The following CLIP1 variants were observed in gnomAD, a reference collection of about 807,000 sequenced individuals.
The protein encoded by CLIP1 is CAP-Gly domain containing linker protein 1, also known as CAP-Gly domain-containing linker protein 1.
A neutral mutation model predicts 161.6 loss-of-function variants in CLIP1; 66 were observed. The ratio of observed to expected loss-of-function variants is 0.41; its 90% CI spans 0.33 to 0.50. CLIP1 has a LOEUF of 0.50. Among genes scored for constraint, CLIP1 ranks in the 20% least tolerant of loss-of-function variants. The pLI is 0.27. For missense variants in CLIP1, 1,376 were observed against 1,702.0 expected (o/e 0.81, Z 3.37); for synonymous variants, 598 against 626.2 (o/e 0.96, Z 0.67).
At chr12:122,275,644 G>GCACACACACACACACACACACACA (rs71082958) in intron 24 of CLIP1, 1 of 147,538 alleles carries the variant, frequency 6.8e-6, no homozygotes, top group African/African-American at 2.5e-5. Context: ...ACACACACGC[G>GCACACACACACACACACACACACA]CACACACACA....
At chr12:122,388,783 C>T (rs1208351856) in intron 1 of CLIP1, among the ~76,000 whole-genome samples, 1 of 151,902 alleles carries the variant, frequency 6.6e-6, no homozygotes, top group African/African-American at 2.4e-5. Flanking sequence ...CTGTGCTGCC[C>T]AGGCTGGTTT....
At chr12:122,293,098 T>C (rs1182873501) in intron 20 of CLIP1, among the ~76,000 whole-genome samples, 1 of 151,026 alleles carries the variant, frequency 6.6e-6, no homozygotes, top group African/African-American at 2.5e-5. Flanking sequence ...AGAACTTGTA[T>C]CTAGAATATA....
Position 122,347,484 on chromosome 12 carries a change from T to C in CLIP1, c.1402-5A>G, listed in dbSNP as rs1266988156. 1.9e-6 allele frequency: 3 copies of C among 1,608,820 alleles called. No homozygotes were observed. The highest frequency in any genetic ancestry group is 2.6e-6 in the Non-Finnish European group (3 of 1,175,738). ...ATGCTCCAGTTTGGTCTGCGTCTGT[T>C]AGTAAAAAGGAAGAGGAAGAGAACA... On this transcript the variant is annotated splice_region_variant and splice_polypyrimidine_tract_variant and intron_variant, in intron 9 of 25. Transcript: ENST00000620786.
chr12:122,418,539 G>A (rs1438640906), intron 1 of CLIP1, among the ~76,000 whole-genome samples: 3 of 152,082 alleles, frequency 2.0e-5, no homozygotes, highest in South Asian at 2.1e-4. Context: ...GATTGTTTGA[G>A]CCTAGGAGTT....
intron 20 of CLIP1, among the ~76,000 whole-genome samples, chr12:122,301,872 A>C (rs1391154007): frequency 6.6e-6 from 1 of 152,210 alleles, no homozygotes; most frequent in East Asian, 1.9e-4. Flanking sequence ...GGACTCACAA[A>C]CACCACAGCT....
rs1041935795 is a variant in CLIP1 at position 122,384,776 on chromosome 12, A to T, written c.-106-4218T>A. On this transcript the variant is annotated intron_variant, in intron 1 of 25. Coordinates refer to ENST00000620786, the MANE Select transcript of CLIP1 (RefSeq NM_001247997.2). ...ACTCCATCTCAAAAAATAAAAAAAA[A>T]AAATAAAGCGAAATCATTCTCTCCA... Among the ~76,000 whole-genome samples the T allele has an allele frequency of 3.6e-4, 55 of 151,856 alleles. 1 individual carries two copies. The highest frequency in any genetic ancestry group is 4.2e-4 in the South Asian group (2 of 4,808).
intron 17 of CLIP1, among the ~76,000 whole-genome samples, chr12:122,327,656 C>A (rs984857012): frequency 6.6e-6 from 1 of 151,626 alleles, no homozygotes; most frequent in Non-Finnish European, 1.5e-5. Context: ...GCTCAGGCAA[C>A]GAAAGAACCT....
At chr12:122,420,897 T>C (rs1019171302) in intron 1 of CLIP1, among the ~76,000 whole-genome samples, 1 of 151,822 alleles carries the variant, frequency 6.6e-6, no homozygotes, top group Admixed American at 6.6e-5. Flanking sequence ...ATCACGCCAC[T>C]GCACTCTGGC....
chr12:122,339,235 C>T (rs1454420389), intron 11 of CLIP1, among the ~76,000 whole-genome samples: 8 of 152,162 alleles, frequency 5.3e-5, no homozygotes, highest in Admixed American at 5.2e-4. Flanking sequence ...AGATCATGTT[C>T]TCATTATGCC....
intron 12 of CLIP1, among the ~76,000 whole-genome samples, chr12:122,336,413 TAAA>T (rs144935400): frequency 0.058 from 8,041 of 138,974 alleles, 631 homozygotes; most frequent in African/African-American, 0.19. Context: ...AGGGATAGAT[TAAA>T]AAAAAAAAAA....
At chr12:122,275,109 C>G (rs1295304648) in intron 24 of CLIP1, 1 of 152,100 alleles carries the variant, frequency 6.6e-6, no homozygotes, top group African/African-American at 2.4e-5. Flanking sequence ...CTCGGCCTCC[C>G]AAAGTGTTGG....
chr12:122,393,699 G>A (rs1955766923), intron 1 of CLIP1, among the ~76,000 whole-genome samples: 1 of 151,938 alleles, frequency 6.6e-6, no homozygotes, highest in South Asian at 2.1e-4. Flanking sequence ...ATCACCTGAG[G>A]TCAGTAGTTC....
chr12:122,403,325 C>T (rs760443654), intron 1 of CLIP1, among the ~76,000 whole-genome samples: 6 of 151,902 alleles, frequency 3.9e-5, no homozygotes, highest in African/African-American at 1.2e-4. Flanking sequence ...CCAGTAAAAC[C>T]GAGAGCTCAG....
rs1204378226 is a variant in CLIP1, at chr12:122,355,199, C to T, written c.1119G>A (p.Leu373=). The stretch of plus-strand genomic sequence containing the variant: ...TGGCCTTGGCCACCTCCGCCCTCTC[C>T]AGATCCCGTTCCGCCAGCAGCTGCT... ...HIEQLLAERD[L]ERAEVAKATS... is the part of the protein sequence containing the mutation. The change falls in exon 6 of 26, where the codon CTG becomes CTA. Residue 373 remains leucine, a synonymous_variant. Transcript: ENST00000620786. This position sits in a 1 kb window ranked among gnomAD's most constrained non-coding sequence, Gnocchi z 4.1. 1.1e-5 allele frequency: 18 copies of T among 1,614,134 alleles called. No homozygotes were observed. The Admixed American group carries it at 3.0e-4, about 27-fold the overall frequency.
intron 12 of CLIP1, among the ~76,000 whole-genome samples, 174 bp downstream of exon 12, chr12:122,336,458 G>A (rs1250672691): frequency 6.6e-6 from 1 of 150,810 alleles, no homozygotes; most frequent in East Asian, 1.9e-4. Context: ...TGTTGTTTGG[G>A]TTTGATCCGA....
intron 1 of CLIP1, among the ~76,000 whole-genome samples, chr12:122,397,104 T>A (rs1955942040): frequency 6.6e-6 from 1 of 150,532 alleles, no homozygotes; most frequent in South Asian, 2.2e-4. Flanking sequence ...ATTCACACCA[T>A]ATTTCCCAGC....
intron 1 of CLIP1, 87 bp from the exon 2 acceptor site, chr12:122,380,645 T>C: frequency 2.5e-6 from 1 of 406,528 alleles, no homozygotes; most frequent in South Asian, 5.4e-5. Context: ...AAGCTTTCCT[T>C]TCATTTGACA....
At chr12:122,315,857 G>A (rs773602856) in intron 19 of CLIP1, among the ~76,000 whole-genome samples, 31 of 151,700 alleles carry the variant, frequency 2.0e-4, no homozygotes, top group Non-Finnish European at 3.8e-4. Flanking sequence ...TAGCCAGGAT[G>A]GTCTCAATCT....
At chr12:122,409,768 G>A (rs1333988083) in intron 1 of CLIP1, among the ~76,000 whole-genome samples, 3 of 152,128 alleles carry the variant, frequency 2.0e-5, no homozygotes, top group Non-Finnish European at 4.4e-5. Flanking sequence ...CTGACCTCAG[G>A]TGATCTACCC....
Sources: allele counts gnomAD v4.1 joint callset (sites outside exome capture counted in the v4.1 genomes callset), GRCh38; gene constraint gnomAD v4.1.1; non-coding constraint Gnocchi (gnomAD v3.1); transcripts MANE v1.5; gene names NCBI Gene and HGNC (gene_info 2026-07-23, HGNC 2026-07-21).